The following KLHL32 variants were observed in gnomAD, a reference collection of about 807,000 sequenced individuals.
The protein encoded by KLHL32 is kelch like family member 32.
In KLHL32, 35 loss-of-function variants were observed where a neutral mutation model predicts 64.8. The observed-to-expected ratio is 0.54, with a 90% CI of 0.41 to 0.72. The LOEUF (loss-of-function observed/expected upper bound fraction) is 0.72, where lower values mean the gene tolerates loss of function less well. Among genes scored for constraint, KLHL32 ranks in the 30% least tolerant of loss-of-function variants. KLHL32 has a pLI of 0.00. For missense variants in KLHL32, 589 were observed against 768.5 expected, an observed-to-expected ratio of 0.77 and a Z score of 2.76; for synonymous variants, 259 against 281.0, an observed-to-expected ratio of 0.92 and a Z score of 0.78.
At chr6:97,073,934 A>G (rs1014825235) in intron 5 of KLHL32, among the ~76,000 whole-genome samples, 1 of 152,108 alleles carries the variant, frequency 6.6e-6, no homozygotes, top group Non-Finnish European at 1.5e-5. Flanking sequence ...TTCCTGCTGC[A>G]CATCAAGGGG....
At chr6:96,939,733 A>G (rs1771053266) in intron 1 of KLHL32, among the ~76,000 whole-genome samples, 2 of 152,154 alleles carry the variant, frequency 1.3e-5, no homozygotes, top group South Asian at 2.1e-4. Context: ...CTATAAAGAT[A>G]GGTATCTTTA....
chr6:97,135,232 T>C (rs1462680670), intron 10 of KLHL32, among the ~76,000 whole-genome samples: 1 of 152,086 alleles, frequency 6.6e-6, no homozygotes, highest in Non-Finnish European at 1.5e-5. Flanking sequence ...AATCAATCCT[T>C]TGGCAAATAC....
chr6:96,973,707 T>G (rs13219671), intron 2 of KLHL32, among the ~76,000 whole-genome samples: 1 of 146,682 alleles, frequency 6.8e-6, no homozygotes, highest in East Asian at 2.0e-4. Flanking sequence ...TAAGCATAGA[T>G]TTTTGAGATC....
At chr6:96,928,452 G>A (rs777581908) in intron 1 of KLHL32, among the ~76,000 whole-genome samples, 28 of 152,200 alleles carry the variant, frequency 1.8e-4, no homozygotes, top group Non-Finnish European at 2.9e-4. Context: ...GGATGGGTGG[G>A]AGGGGATGGA....
chr6:97,096,959 C>G (rs539802071), intron 6 of KLHL32, among the ~76,000 whole-genome samples: 2 of 152,250 alleles, frequency 1.3e-5, no homozygotes, highest in Middle Eastern at 3.4e-3. Flanking sequence ...TCATTGGAAG[C>G]CTTTTTAGTC....
intron 3 of KLHL32, among the ~76,000 whole-genome samples, chr6:96,992,300 C>T (rs9372302): frequency 0.16 from 24,302 of 152,222 alleles, 2,218 homozygotes; most frequent in East Asian, 0.38. Flanking sequence ...ACTCACTCAC[C>T]GTTTCCTGGC....
intron 5 of KLHL32, among the ~76,000 whole-genome samples, chr6:97,072,903 T>C (rs112774587): frequency 1.0e-3 from 153 of 152,326 alleles, no homozygotes; most frequent in African/African-American, 3.6e-3. Context: ...AGTTGTGTGA[T>C]GTCGGACAAG....
intron 5 of KLHL32, among the ~76,000 whole-genome samples, chr6:97,081,144 G>C (rs1200688231): frequency 1.3e-5 from 2 of 152,188 alleles, no homozygotes; most frequent in African/African-American, 4.8e-5. Flanking sequence ...GAAGCCCCAG[G>C]GTTGGTGAGG....
chr6:97,091,809 A>T (rs1015772172), intron 6 of KLHL32, among the ~76,000 whole-genome samples: 1 of 152,186 alleles, frequency 6.6e-6, no homozygotes, highest in African/African-American at 2.4e-5. Context: ...CCAAGCCTCA[A>T]ACAAATCAGG....
intron 1 of KLHL32, among the ~76,000 whole-genome samples, chr6:96,940,956 C>T (rs886389432): frequency 1.3e-5 from 2 of 152,040 alleles, no homozygotes; most frequent in African/African-American, 4.8e-5. Context: ...GAATGGAAAG[C>T]GTAATAGATG....
chr6:96,986,280 CT>C (rs1777047638), intron 3 of KLHL32, among the ~76,000 whole-genome samples: 1 of 152,138 alleles, frequency 6.6e-6, no homozygotes, highest in Admixed American at 6.5e-5. Flanking sequence ...CAGTCTGCCC[CT>C]AATGGGGGGG....
At chr6:96,980,576 T>C (rs1776192668) in intron 3 of KLHL32, among the ~76,000 whole-genome samples, 1 of 152,168 alleles carries the variant, frequency 6.6e-6, no homozygotes, top group Admixed American at 6.6e-5. Context: ...TATTTTGTTG[T>C]GGATTTTTAC....
chr6:96,968,331 T>G (rs999366514), intron 2 of KLHL32, among the ~76,000 whole-genome samples: 17 of 151,714 alleles, frequency 1.1e-4, no homozygotes, highest in Admixed American at 1.1e-3. Context: ...TTAAACATCT[T>G]GCAATGCATA....
chr6:97,128,790 C>T (rs2128220643), intron 8 of KLHL32, among the ~76,000 whole-genome samples: 1 of 152,346 alleles, frequency 6.6e-6, no homozygotes, highest in East Asian at 1.9e-4. Context: ...GTTGGTGGCT[C>T]ACCTGGCAGG....
chr6:96,970,007 T>C (rs992936847), intron 2 of KLHL32, among the ~76,000 whole-genome samples: 1 of 152,218 alleles, frequency 6.6e-6, no homozygotes, highest in Non-Finnish European at 1.5e-5. Flanking sequence ...GCCAGAAATA[T>C]AGGTGTCTTC....
At chr6:96,920,691 A>T (rs968065870), upstream of KLHL32, among the ~76,000 whole-genome samples, 1 of 152,144 alleles carries the variant, frequency 6.6e-6, no homozygotes, top group African/African-American at 2.4e-5. Flanking sequence ...CTTTGATATC[A>T]GTCTGCAAGG....
chr6:96,915,433 A>G, the KLHL32 span, among the ~76,000 whole-genome samples: 1 of 152,222 alleles, frequency 6.6e-6, no homozygotes, highest in Non-Finnish European at 1.5e-5. Context: ...TCAGTAAAAT[A>G]TGGCAACAGA....
chr6:96,976,400 T>C (rs556916956), intron 3 of KLHL32, among the ~76,000 whole-genome samples: 7 of 152,150 alleles, frequency 4.6e-5, no homozygotes, highest in African/African-American at 1.7e-4. Context: ...TCCCTTGGCA[T>C]CTGAGCCAAG....
chr6:97,121,317 T>TA (rs1253791264), intron 7 of KLHL32, among the ~76,000 whole-genome samples: 2 of 152,156 alleles, frequency 1.3e-5, no homozygotes, highest in Non-Finnish European at 2.9e-5. Context: ...GCTTAAATTG[T>TA]AAAAAAGAAC....
Sources: allele counts gnomAD v4.1 joint callset (sites outside exome capture counted in the v4.1 genomes callset), GRCh38; gene constraint gnomAD v4.1.1; transcripts MANE v1.5; gene names NCBI Gene and HGNC (gene_info 2026-07-23, HGNC 2026-07-21).